Variants in LFNG observed in about 807,000 individuals in gnomAD.
LFNG encodes the protein beta-1,3-N-acetylglucosaminyltransferase lunatic fringe.
LFNG carries 15 observed loss-of-function variants against 32.7 expected under a neutral mutation model. The observed-to-expected ratio is 0.46, with a 90% CI of 0.31 to 0.71. The LOEUF (loss-of-function observed/expected upper bound fraction) is 0.71, where lower values mean the gene tolerates loss of function less well. Ranked by LOEUF, LFNG falls within the 30% of genes least tolerant of loss-of-function variation. LFNG has a pLI of 0.06. For missense variants in LFNG, 520 were observed against 545.7 expected (o/e 0.95, Z 0.47); for synonymous variants, 274 against 246.8 (o/e 1.11, Z -1.03).
chr7:2,525,216 C>T lies in LFNG; in HGVS notation c.482-3C>T, dbSNP rs199745512. On this transcript the variant is annotated splice_polypyrimidine_tract_variant and splice_region_variant and intron_variant, in intron 2 of 7. Transcript: ENST00000222725. ...CTACTCACAGCCGCTCCCCTGTCCA[C>T]AGGCAACGTGGTCATCACAAACTGC... 131 of 1,612,614 alleles carry T rather than the reference C, an allele frequency of 8.1e-5. 2 individuals carry two copies. In the African/African-American group the frequency reaches 1.5e-3, roughly 19 times the overall value.
At chr7:2,515,758 A>G (rs1176352899), upstream of LFNG, among the ~76,000 whole-genome samples, 1 of 152,232 alleles carries the variant, frequency 6.6e-6, no homozygotes, top group Non-Finnish European at 1.5e-5. Context: ...CACTGGCCCA[A>G]GACCACACAG....
chr7:2,520,787 G>A lies in LFNG; in HGVS notation c.432+494G>A, dbSNP rs1223753471. Among the ~76,000 whole-genome samples the A allele has an allele frequency of 6.6e-6, 1 of 152,172 alleles. No individual in the cohort carries two copies. Among genetic ancestry groups the A allele is most frequent in the Non-Finnish European group, 1.5e-5 (1 of 68,034 alleles). On this transcript the variant is annotated intron_variant, in intron 1 of 7. Transcript: ENST00000222725. The surrounding 1 kb of genome is among the most constrained non-coding windows in gnomAD (Gnocchi z 5.0). The stretch of plus-strand genomic sequence containing the variant: ...ACGGGGAGGGAGGGAAGTCATTGCT[G>A]GTTGGTGGGTCCTGGGGAGTACATC...
chr7:2,523,541 G>C (rs573207391), intron 1 of LFNG: 2 of 152,376 alleles, frequency 1.3e-5, no homozygotes, highest in Non-Finnish European at 1.5e-5. Flanking sequence ...ACTCAGCCAT[G>C]CCAGGGTGCG....
upstream of LFNG, among the ~76,000 whole-genome samples, chr7:2,515,230 C>T (rs927013064): frequency 6.6e-6 from 1 of 152,164 alleles, no homozygotes; most frequent in Non-Finnish European, 1.5e-5. Context: ...ATTCATCCAT[C>T]CAACCATCCA....
At chr7:2,518,200 C>G (rs1489561668), upstream of LFNG, among the ~76,000 whole-genome samples, 1 of 152,216 alleles carries the variant, frequency 6.6e-6, no homozygotes, top group Non-Finnish European at 1.5e-5. Flanking sequence ...CCTCAAGCCT[C>G]TCCAGCTGCA....
In LFNG at chr7:2,519,809, C is replaced by G. The variant is rs866876448; in HGVS notation, c.-53C>G. On this transcript the variant is annotated 5_prime_UTR_variant, in exon 1 of 8. Coordinates refer to ENST00000222725, the MANE Select transcript of LFNG (RefSeq NM_001040167.2). ...GCCGCCGGAGCGACGGGCTTCGGGTCGGTGCAAGGCAGGCGCACGGGGAAG... is the reference window on the plus strand; with the variant it reads ...GCCGCCGGAGCGACGGGCTTCGGGTGGGTGCAAGGCAGGCGCACGGGGAAG... 7.9e-6 allele frequency: 8 copies of G among 1,007,214 alleles called. No individual in the cohort carries two copies. The highest frequency in any genetic ancestry group is 7.2e-5 in the East Asian group (1 of 13,954). 62.4% of individuals were successfully genotyped at this position (1,007,214 alleles called of 1,614,324 possible).
rs1779746407 is a variant in LFNG, at chr7:2,520,140, G to A, written c.279G>A (p.Gly93=). The change falls in exon 1 of 8, where the codon GGG becomes GGA. Residue 93 remains glycine, a synonymous_variant. Coordinates refer to ENST00000222725, the MANE Select transcript of LFNG (RefSeq NM_001040167.2). This position sits in a 1 kb window ranked among gnomAD's most constrained non-coding sequence, Gnocchi z 5.0. The stretch of plus-strand genomic sequence containing the variant: ...GCAGAGATGCGGGCCCGCCGCCCGG[G>A]GCTGCCCCCCGCCCCGCCGACGGCC... The part of the protein sequence containing the change: ...RARRDAGPPP[G]AAPRPADGHP... 2.1e-6 allele frequency: 3 copies of A among 1,420,268 alleles called. No homozygotes were observed. In the East Asian group the frequency reaches 9.6e-5, roughly 45 times the overall value. The allele number at this position is 1,420,268 out of a possible 1,614,324, so 88.0% of individuals were successfully genotyped here. A position where few individuals can be genotyped will look rare whatever the true frequency, so the allele number is the denominator to read the frequency against.
At chr7:2,522,098 A>G (rs537782734) in intron 1 of LFNG, among the ~76,000 whole-genome samples, 1 of 152,240 alleles carries the variant, frequency 6.6e-6, no homozygotes, top group East Asian at 1.9e-4. Context: ...TGACTCAGAC[A>G]TGGTCTGATG....
upstream of LFNG, chr7:2,519,753 G>A: frequency 1.7e-6 from 1 of 600,202 alleles, no homozygotes; most frequent in Non-Finnish European, 2.1e-6. Context: ...GTTTAAGAGC[G>A]CGGGACACTG....
Position 2,520,335 on chromosome 7 carries a change from G to A in LFNG, c.432+42G>A. The A allele has an allele frequency of 1.3e-6, 2 of 1,571,324 alleles. No individual in the cohort carries two copies. Among genetic ancestry groups the A allele is most frequent in the Non-Finnish European group, 1.7e-6 (2 of 1,148,558 alleles). On this transcript the variant is annotated intron_variant, in intron 1 of 7. Transcript: ENST00000222725. This position sits in a 1 kb window ranked among gnomAD's most constrained non-coding sequence, Gnocchi z 5.0. ...CTGGACTGGCGGGCGAGCGGGGCGG[G>A]GACCCACCATCTGGTCCAGCTGGTG...
At position 2,527,399 on chromosome 7, in the gene LFNG, G is replaced by A; in HGVS notation, c.*187G>A. ...GCAGGCTGCTGGGCAGTTCTGCTCT[G>A]TGGAGGGGCGGGCACCAGCGCCACT... is the stretch of plus-strand genomic sequence containing the variant. On this transcript the variant is annotated 3_prime_UTR_variant, in exon 8 of 8. Coordinates refer to ENST00000222725, the MANE Select transcript of LFNG (RefSeq NM_001040167.2). This position sits in a 1 kb window ranked among gnomAD's most constrained non-coding sequence, Gnocchi z 4.4. 1 of 1,472,994 alleles carries A rather than the reference G, an allele frequency of 6.8e-7. No homozygotes were observed. The highest frequency in any genetic ancestry group is 9.0e-7 in the Non-Finnish European group (1 of 1,112,316). The allele number at this position is 1,472,994 out of a possible 1,614,324, so 91.2% of individuals were successfully genotyped here.
chr7:2,521,344 G>T (rs1583272969), intron 1 of LFNG, among the ~76,000 whole-genome samples: 1 of 152,094 alleles, frequency 6.6e-6, no homozygotes, highest in African/African-American at 2.4e-5. Context: ...GGAGGGGGCG[G>T]CGGGGGCCGT....
intron 1 of LFNG, among the ~76,000 whole-genome samples, chr7:2,521,219 C>T (rs941231631): frequency 4.0e-5 from 6 of 151,740 alleles, no homozygotes; most frequent in Non-Finnish European, 8.8e-5. Flanking sequence ...GTCATGAGGG[C>T]GACGGGGAGG....
In LFNG at chr7:2,519,824, G is replaced by A. The variant is rs1002547136; in HGVS notation, c.-38G>A. ...GGCTTCGGGTCGGTGCAAGGCAGGC[G>A]CACGGGGAAGGGCGCGCCGCGCGGC... On this transcript the variant is annotated 5_prime_UTR_variant, in exon 1 of 8. Transcript: ENST00000222725. 6.6e-6 allele frequency: 7 copies of A among 1,059,760 alleles called. No homozygotes were observed. The highest frequency in any genetic ancestry group is 1.7e-5 in the African/African-American group (1 of 58,458). 65.6% of individuals were successfully genotyped at this position (1,059,760 alleles called of 1,614,324 possible).
In LFNG at chr7:2,527,026, A is replaced by G. The variant is rs1170918866; in HGVS notation, c.1073+105A>G. 2 of 1,414,374 alleles carry G rather than the reference A, an allele frequency of 1.4e-6. No homozygotes were observed. The highest frequency in any genetic ancestry group is 2.0e-6 in the Non-Finnish European group (2 of 1,010,962). The allele number at this position is 1,414,374 out of a possible 1,614,324, so 87.6% of individuals were successfully genotyped here. A position where few individuals can be genotyped will look rare whatever the true frequency, so the allele number is the denominator to read the frequency against. ...CTCTCTAAGCGGCATGACTCTACAT[A>G]GAGGTGTCCCCCGGAGTCCTGCTTG... On this transcript the variant is annotated intron_variant, in intron 7 of 7. Transcript: ENST00000222725. This position sits in a 1 kb window ranked among gnomAD's most constrained non-coding sequence, Gnocchi z 4.4.
In LFNG at chr7:2,527,381, G is replaced by C. The variant is rs1414460467; in HGVS notation, c.*169G>C. The C allele has an allele frequency of 1.0e-5, 15 of 1,498,544 alleles. No individual in the cohort carries two copies. The East Asian group carries it at 1.5e-4, about 15-fold the overall frequency. The allele number at this position is 1,498,544 out of a possible 1,614,324, so 92.8% of individuals were successfully genotyped here. ...TGCATGCCCACCCGGGTAGCAGGCT[G>C]CTGGGCAGTTCTGCTCTGTGGAGGG... On this transcript the variant is annotated 3_prime_UTR_variant, in exon 8 of 8. Coordinates refer to ENST00000222725, the MANE Select transcript of LFNG (RefSeq NM_001040167.2). This position sits in a 1 kb window ranked among gnomAD's most constrained non-coding sequence, Gnocchi z 4.4.
chr7:2,519,847 G>T lies in LFNG; in HGVS notation c.-15G>T. 1 of 1,080,200 alleles carries T rather than the reference G, an allele frequency of 9.3e-7. No homozygotes were observed. The highest frequency in any genetic ancestry group is 1.7e-5 in the African/African-American group (1 of 58,890). The allele number at this position is 1,080,200 out of a possible 1,614,324, so 66.9% of individuals were successfully genotyped here. A position where few individuals can be genotyped will look rare whatever the true frequency, so the allele number is the denominator to read the frequency against. Reference sequence around the variant, plus strand: ...GCGCACGGGGAAGGGCGCGCCGCGCGGCCGCCACCCCACCATGCTCAAGCG... The same window carrying T: ...GCGCACGGGGAAGGGCGCGCCGCGCTGCCGCCACCCCACCATGCTCAAGCG... On this transcript the variant is annotated 5_prime_UTR_variant, in exon 1 of 8. Transcript: ENST00000222725.
rs765050121 is a variant in LFNG at position 2,525,439 on chromosome 7, A to G, written c.607A>G (p.Asn203Asp). 6.2e-7 allele frequency: 1 copy of G among 1,612,864 alleles called. No individual in the cohort carries two copies. Among genetic ancestry groups the G allele is most frequent in the Non-Finnish European group, 8.5e-7 (1 of 1,179,874 alleles). ...RKWFCHVDDD[N>D]YVNLRALLRL... is the part of the protein sequence containing the mutation. ...GTGGTTCTGCCACGTGGACGATGAC[A>G]ACTACGTCAACCTGCGGGCCCTGCT... The change falls in exon 4 of 8, where the codon AAC becomes GAC. Residue 203 changes from asparagine to aspartate, a missense_variant. Transcript: ENST00000222725.
downstream of LFNG, among the ~76,000 whole-genome samples, chr7:2,528,722 C>T (rs1780072314): frequency 6.6e-6 from 1 of 152,154 alleles, no homozygotes; most frequent in Admixed American, 6.5e-5. Flanking sequence ...CAGCCAAAAG[C>T]ACAACCCCAA....
Sources: gnomAD v4.1 joint callset for allele counts (sites outside exome capture counted in the v4.1 genomes callset) on GRCh38, gnomAD v4.1.1 for gene constraint, Gnocchi (gnomAD v3.1) non-coding constraint, MANE v1.5 for transcripts, NCBI Gene and HGNC (gene_info 2026-07-23, HGNC 2026-07-21) for gene names.